The following OTOGL variants were observed in gnomAD, a reference collection of about 807,000 sequenced individuals.
OTOGL encodes the protein otogelin like.
OTOGL carries 285 observed loss-of-function variants against 318.5 expected under a neutral mutation model. That is an observed-to-expected ratio of 0.89 (90% CI 0.81 to 0.99). The LOEUF (loss-of-function observed/expected upper bound fraction) is 0.99, where lower values mean the gene tolerates loss of function less well. OTOGL is among the 50% of genes least tolerant of loss of function. The pLI is 0.00. For synonymous variants in OTOGL, 987 were observed against 936.5 expected (o/e 1.05, Z -0.99); for missense variants, 2,899 against 2,845.6 (o/e 1.02, Z -0.43).
intron 11 of OTOGL, among the ~76,000 whole-genome samples, chr12:80,249,292 G>C (rs1881237902): frequency 6.6e-6 from 1 of 151,254 alleles, no homozygotes; most frequent in Non-Finnish European, 1.5e-5. Flanking sequence ...CCATCTTTGT[G>C]GTTTTATCTA....
At chr12:80,272,233 A>G (rs532450873) in intron 24 of OTOGL, among the ~76,000 whole-genome samples, 7 of 152,218 alleles carry the variant, frequency 4.6e-5, no homozygotes, top group African/African-American at 1.4e-4. Context: ...GCAGTGGGTA[A>G]GAGTGGGAGC....
chr12:80,171,470 A>G (rs1457657571), intron 1 of OTOGL, among the ~76,000 whole-genome samples: 1 of 152,204 alleles, frequency 6.6e-6, no homozygotes, highest in Non-Finnish European at 1.5e-5. Context: ...CACCATTGCC[A>G]AATATCAATT....
chr12:80,291,299 T>C (rs1473678804), intron 26 of OTOGL, among the ~76,000 whole-genome samples: 1 of 152,240 alleles, frequency 6.6e-6, no homozygotes, highest in Non-Finnish European at 1.5e-5. Flanking sequence ...ACAGGACCAA[T>C]GTACTTGCAA....
intron 1 of OTOGL, among the ~76,000 whole-genome samples, chr12:80,126,390 C>T (rs1434037220): frequency 1.3e-5 from 2 of 152,194 alleles, no homozygotes; most frequent in African/African-American, 4.8e-5. Context: ...TTTGATTGCA[C>T]TGTGGTCTAA....
At position 80,323,698 on chromosome 12, in the gene OTOGL, C is replaced by G; in HGVS notation, c.4082-25C>G. The G allele has an allele frequency of 1.9e-6, 3 of 1,540,994 alleles. No individual in the cohort carries two copies. The South Asian group carries it at 3.4e-5, about 17-fold the overall frequency. On this transcript the variant is annotated intron_variant, in intron 34 of 58. Coordinates refer to ENST00000547103, the MANE Select transcript of OTOGL (RefSeq NM_001378609.3). ...TCAAGCTATGTATTAAATATGCACA[C>G]AATCTAAACTTTATTTTTTCCCAGA...
At chr12:80,162,883 C>A (rs1024346770) in intron 1 of OTOGL, among the ~76,000 whole-genome samples, 8 of 151,906 alleles carry the variant, frequency 5.3e-5, no homozygotes, top group African/African-American at 1.9e-4. Flanking sequence ...GACTCATGCA[C>A]CCCTTGCCCC....
intron 57 of OTOGL, among the ~76,000 whole-genome samples, chr12:80,373,134 A>T (rs962188263): frequency 2.0e-5 from 3 of 152,136 alleles, no homozygotes; most frequent in Non-Finnish European, 4.4e-5. Flanking sequence ...AGAAGCTTTT[A>T]GGAAAGGGGC....
At chr12:80,129,460 T>C (rs950495586) in intron 1 of OTOGL, among the ~76,000 whole-genome samples, 1 of 152,174 alleles carries the variant, frequency 6.6e-6, no homozygotes, top group Non-Finnish European at 1.5e-5. Flanking sequence ...CAGAAGGAAA[T>C]TGTCCCAGTC....
intron 1 of OTOGL, among the ~76,000 whole-genome samples, chr12:80,152,699 A>T (rs1872861147): frequency 6.6e-6 from 1 of 152,080 alleles, no homozygotes; most frequent in African/African-American, 2.4e-5. Context: ...TTATTTATTT[A>T]TTTTTTTGAG....
At chr12:80,196,825 G>A (rs1456176245) in intron 1 of OTOGL, among the ~76,000 whole-genome samples, 1 of 152,150 alleles carries the variant, frequency 6.6e-6, no homozygotes, top group African/African-American at 2.4e-5. Flanking sequence ...AAGTCTAACT[G>A]GATTTCCTCC....
intron 35 of OTOGL, among the ~76,000 whole-genome samples, chr12:80,325,321 A>G (rs1018690336): frequency 2.0e-5 from 3 of 152,240 alleles, no homozygotes; most frequent in African/African-American, 7.2e-5. Context: ...GAAACAAAAG[A>G]AAACAATCTT....
At chr12:80,129,325 A>G (rs1025556951) in intron 1 of OTOGL, among the ~76,000 whole-genome samples, 1 of 152,208 alleles carries the variant, frequency 6.6e-6, no homozygotes, top group Non-Finnish European at 1.5e-5. Context: ...GAGAGTAGAA[A>G]GGTGTGAATA....
chr12:80,155,126 T>C (rs1873033192), intron 1 of OTOGL, among the ~76,000 whole-genome samples: 1 of 152,164 alleles, frequency 6.6e-6, no homozygotes, highest in Admixed American at 6.5e-5. Context: ...TATAATTGAG[T>C]TGTTTGTTTT....
intron 1 of OTOGL, among the ~76,000 whole-genome samples, chr12:80,108,876 A>G (rs563884242): frequency 7.1e-6 from 1 of 140,094 alleles, no homozygotes; most frequent in East Asian, 2.1e-4. Flanking sequence ...ATATGTGTAT[A>G]TATGTGTATA....
chr12:80,265,131 C>T lies in OTOGL; in HGVS notation c.2145C>T (p.Cys715=). 1.2e-6 allele frequency: 2 copies of T among 1,613,896 alleles called. No individual in the cohort carries two copies. Among genetic ancestry groups the T allele is most frequent in the African/African-American group, 2.7e-5 (2 of 75,050 alleles). Residue 715 remains cysteine, a synonymous_variant, in exon 20 of 59, where the codon TGC becomes TGT. Coordinates refer to ENST00000547103, the MANE Select transcript of OTOGL (RefSeq NM_001378609.3). ...GCAAGTGTGGAAGCTCCTGCCTGTG[C>T]AATGCTCTTGCCCACTATGCCTACC... ...DACKCGSSCL[C]NALAHYAYLC... is the part of the protein sequence containing the mutation.
chr12:80,261,940 T>G (rs1882561922), intron 18 of OTOGL, 29 bp from the exon 19 acceptor site: 1 of 1,604,354 alleles, frequency 6.2e-7, no homozygotes. Flanking sequence ...GAGAGATACA[T>G]GAAGATGAGC....
intron 1 of OTOGL, among the ~76,000 whole-genome samples, chr12:80,111,189 G>A (rs555555702): frequency 9.9e-5 from 15 of 152,092 alleles, no homozygotes; most frequent in African/African-American, 1.4e-4. Context: ...AAATTTTCTC[G>A]CATTCTGTAG....
intron 26 of OTOGL, among the ~76,000 whole-genome samples, chr12:80,291,744 G>T (rs561490154): frequency 3.9e-5 from 6 of 152,138 alleles, no homozygotes; most frequent in Non-Finnish European, 8.8e-5. Context: ...AATAACCAGC[G>T]TCTCCAACTG....
chr12:80,248,928 C>G (rs1411709700), intron 11 of OTOGL, among the ~76,000 whole-genome samples: 1 of 148,630 alleles, frequency 6.7e-6, no homozygotes, highest in Non-Finnish European at 1.5e-5. Flanking sequence ...TCTTCCATTG[C>G]TGATACCCTT....
Sources: gnomAD v4.1 joint callset for allele counts (sites outside exome capture counted in the v4.1 genomes callset) on GRCh38, gnomAD v4.1.1 for gene constraint, MANE v1.5 for transcripts, NCBI Gene and HGNC (gene_info 2026-07-23, HGNC 2026-07-21) for gene names.